MTURN: variants seen among roughly 807,000 people sequenced by gnomAD.
The protein encoded by MTURN is maturin.
MTURN carries 7 observed loss-of-function variants against 14.9 expected under a neutral mutation model. The observed-to-expected ratio is 0.47, with a 90% CI of 0.27 to 0.88. MTURN has a LOEUF of 0.88. MTURN is among the 40% of genes least tolerant of loss of function. The pLI, the probability that MTURN is intolerant of heterozygous loss-of-function variation, is 0.14. For missense variants in MTURN, 151 were observed against 174.1 expected, an observed-to-expected ratio of 0.87 and a Z score of 0.75; for synonymous variants, 69 against 72.5, an observed-to-expected ratio of 0.95 and a Z score of 0.25.
chr7:30,143,938 T>A (rs534998492), intron 1 of MTURN, among the ~76,000 whole-genome samples: 1 of 152,268 alleles, frequency 6.6e-6, no homozygotes, highest in Non-Finnish European at 1.5e-5. Flanking sequence ...TTTAACAAAG[T>A]AGGTTTACAA....
intron 1 of MTURN, among the ~76,000 whole-genome samples, chr7:30,136,561 T>C (rs537156498): frequency 5.3e-5 from 8 of 152,170 alleles, no homozygotes; most frequent in East Asian, 1.9e-4. Flanking sequence ...GCGAAGGAGT[T>C]AGGGAGACTG....
At chr7:30,145,813 G>A in intron 1 of MTURN, 1 of 1,520,954 alleles carries the variant, frequency 6.6e-7, no homozygotes, top group Non-Finnish European at 8.8e-7. Flanking sequence ...GATTTTGAAG[G>A]CAAAGGCTCT....
In MTURN at chr7:30,158,318, C is replaced by T. The variant is rs763565451; in HGVS notation, c.*770C>T. 1.3e-5 allele frequency: 2 copies of T among 152,574 alleles called. No homozygotes were observed. The highest frequency in any genetic ancestry group is 2.9e-5 in the Non-Finnish European group (2 of 68,022). The allele number at this position is 152,574 out of a possible 1,614,324, so 9.5% of individuals were successfully genotyped here. On this transcript the variant is annotated 3_prime_UTR_variant, in exon 3 of 3. Coordinates refer to ENST00000324453, the MANE Select transcript of MTURN (RefSeq NM_152793.3). The stretch of plus-strand genomic sequence containing the variant: ...TTAAAGCTGTTTATAAGCCGTCCCA[C>T]GTATAAAATGAAACATTTTACCTTC...
At chr7:30,155,727 C>T (rs1797277500) in intron 2 of MTURN, among the ~76,000 whole-genome samples, 1 of 152,200 alleles carries the variant, frequency 6.6e-6, no homozygotes, top group African/African-American at 2.4e-5. Flanking sequence ...CCAACAATGC[C>T]TAGCAGATGA....
intron 2 of MTURN, among the ~76,000 whole-genome samples, chr7:30,148,449 G>C (rs943243861): frequency 6.6e-6 from 1 of 152,214 alleles, no homozygotes; most frequent in African/African-American, 2.4e-5. Context: ...GCAGAAGAGG[G>C]ATGTCACCTG....
rs1481062910 is a variant in MTURN at position 30,152,846 on chromosome 7, G to C, written c.286-4592G>C. Among the ~76,000 whole-genome samples, 3 of 152,158 alleles carry C rather than the reference G, an allele frequency of 2.0e-5. No homozygotes were observed. The South Asian group carries it at 6.2e-4, about 32-fold the overall frequency. ...GATACTCTCTTGGGTCTGAGGAACTGAATTCTCCAGAGTTGGCAGCTCTGC... is the reference window on the plus strand; with the variant it reads ...GATACTCTCTTGGGTCTGAGGAACTCAATTCTCCAGAGTTGGCAGCTCTGC... On this transcript the variant is annotated intron_variant, in intron 2 of 2. Coordinates refer to ENST00000324453, the MANE Select transcript of MTURN (RefSeq NM_152793.3).
At chr7:30,151,477 T>C (rs1361256196) in intron 2 of MTURN, among the ~76,000 whole-genome samples, 2 of 152,218 alleles carry the variant, frequency 1.3e-5, no homozygotes, top group Admixed American at 1.3e-4. Context: ...TTTCATGTTT[T>C]ATATTTAGTG....
intron 1 of MTURN, among the ~76,000 whole-genome samples, chr7:30,141,695 T>G (rs2128030738): frequency 6.6e-6 from 1 of 152,206 alleles, no homozygotes; most frequent in Middle Eastern, 3.4e-3. Flanking sequence ...GCTATTTTTC[T>G]TATTTTTTGT....
At position 30,135,259 on chromosome 7, in the gene MTURN, C is replaced by T. The variant is rs754017911; in HGVS notation, c.123C>T (p.Phe41=). 6.5e-7 allele frequency: 1 copy of T among 1,527,600 alleles called. No homozygotes were observed. The highest frequency in any genetic ancestry group is 8.8e-7 in the Non-Finnish European group (1 of 1,136,492). The allele number at this position is 1,527,600 out of a possible 1,614,324, so 94.6% of individuals were successfully genotyped here. Residue 41 remains phenylalanine, a synonymous_variant, in exon 1 of 3, where the codon TTC becomes TTT. Coordinates refer to ENST00000324453, the MANE Select transcript of MTURN (RefSeq NM_152793.3). ...TCTACGCCGACCCCGGCGTCTCCTT[C>T]TATGTGCTGTGTCCGGACAACGGCT... ...MDFYADPGVS[F]YVLCPDNGCG... is the part of the protein sequence containing the mutation.
At chr7:30,142,810 C>T (rs749405660) in intron 1 of MTURN, among the ~76,000 whole-genome samples, 2 of 152,290 alleles carry the variant, frequency 1.3e-5, no homozygotes, top group South Asian at 4.1e-4. Flanking sequence ...CTCTGACTAC[C>T]GCCTTATTAG....
In MTURN at chr7:30,137,426, G is replaced by A. The variant is rs1796981365; in HGVS notation, c.162+2128G>A. ...AATATGTGTATCCAACCATCGTTCAGAAGTAAGAAGTATTATATTATTTGT... is the reference window on the plus strand; with the variant it reads ...AATATGTGTATCCAACCATCGTTCAAAAGTAAGAAGTATTATATTATTTGT... On this transcript the variant is annotated intron_variant, in intron 1 of 2. Transcript: ENST00000324453. 1.2e-5 allele frequency: 4 copies of A among 344,994 alleles called. No homozygotes were observed. In the East Asian group the frequency reaches 2.2e-4, roughly 19 times the overall value. 21.4% of individuals were successfully genotyped at this position (344,994 alleles called of 1,614,324 possible). A position where few individuals can be genotyped will look rare whatever the true frequency, so the allele number is the denominator to read the frequency against.
At chr7:30,146,756 C>T (rs1397942138) in intron 2 of MTURN, among the ~76,000 whole-genome samples, 1 of 152,138 alleles carries the variant, frequency 6.6e-6, no homozygotes, top group African/African-American at 2.4e-5. Flanking sequence ...TGGATACTGG[C>T]TCTATTCTTT....
chr7:30,150,198 C>T (rs1797187466), intron 2 of MTURN, among the ~76,000 whole-genome samples: 1 of 152,050 alleles, frequency 6.6e-6, no homozygotes, highest in South Asian at 2.1e-4. Context: ...GTGCGTTATC[C>T]ACGGTAGGCA....
At chr7:30,138,893 A>G (rs1252339353) in intron 1 of MTURN, among the ~76,000 whole-genome samples, 1 of 151,744 alleles carries the variant, frequency 6.6e-6, no homozygotes, top group East Asian at 1.9e-4. Context: ...TCTGCCTAGA[A>G]CCCTCTTGCC....
intron 1 of MTURN, 167 bp from the exon 2 acceptor site, chr7:30,146,010 C>G (rs754259390): frequency 3.4e-5 from 53 of 1,550,810 alleles, no homozygotes; most frequent in Non-Finnish European, 4.6e-5. Flanking sequence ...TTTTTCTTCC[C>G]TTTCAACGCA....
chr7:30,140,852 T>G (rs1226397305), intron 1 of MTURN: 3 of 152,194 alleles, frequency 2.0e-5, no homozygotes, highest in Non-Finnish European at 4.4e-5. Context: ...TGAGAGTCAG[T>G]CTACAGGTTG....
Position 30,146,423 on chromosome 7 carries a change from T to C in MTURN, c.285+124T>C, listed in dbSNP as rs892742973. 9 of 1,386,284 alleles carry C rather than the reference T, an allele frequency of 6.5e-6. No individual in the cohort carries two copies. In the African/African-American group the frequency reaches 1.1e-4, roughly 18 times the overall value. The allele number at this position is 1,386,284 out of a possible 1,614,324, so 85.9% of individuals were successfully genotyped here. ...CTAATTGTTTTTCTCTTGTCTGTCC[T>C]GTGGCTTAGAGATAGCAGCCAGTAT... On this transcript the variant is annotated intron_variant, in intron 2 of 2. Transcript: ENST00000324453.
At chr7:30,152,410 T>A (rs1334182803) in intron 2 of MTURN, among the ~76,000 whole-genome samples, 1 of 152,234 alleles carries the variant, frequency 6.6e-6, no homozygotes, top group African/African-American at 2.4e-5. Flanking sequence ...CTACCACCCC[T>A]GGCTCTTGGA....
intron 2 of MTURN, among the ~76,000 whole-genome samples, chr7:30,151,672 A>G (rs1212867179): frequency 6.6e-6 from 1 of 152,168 alleles, no homozygotes; most frequent in African/African-American, 2.4e-5. Flanking sequence ...CGCTGTGGAC[A>G]TTAGGGTCCT....
Sources: gnomAD v4.1 joint callset for allele counts (sites outside exome capture counted in the v4.1 genomes callset) on GRCh38, gnomAD v4.1.1 for gene constraint, MANE v1.5 for transcripts, NCBI Gene and HGNC (gene_info 2026-07-23, HGNC 2026-07-21) for gene names.